The following CPO variants were observed in gnomAD, a reference collection of about 807,000 sequenced individuals.
The protein encoded by CPO is metallocarboxypeptidase C.
CPO carries 43 observed loss-of-function variants against 41.2 expected under a neutral mutation model. The observed-to-expected ratio is 1.04, with a 90% confidence interval of 0.82 to 1.35. CPO has a LOEUF of 1.35. CPO is among the 40% of genes most tolerant of loss of function. The pLI is 0.00. For synonymous variants in CPO, 178 were observed against 162.7 expected (o/e 1.09, Z -0.72); for missense variants, 408 against 451.7 (o/e 0.90, Z 0.88).
chr2:206,950,198 A>G (rs1693225516), intron 2 of CPO, among the ~76,000 whole-genome samples: 1 of 152,240 alleles, frequency 6.6e-6, no homozygotes, highest in East Asian at 1.9e-4. Context: ...TCCATCTGAC[A>G]AAGGACTAAT....
Position 206,955,516 on chromosome 2 carries a change from G to A in CPO, c.219G>A (p.Gln73=), listed in dbSNP as rs1205041521. The A allele has an allele frequency of 1.9e-6, 3 of 1,611,366 alleles. No homozygotes were observed. The highest frequency in any genetic ancestry group is 1.3e-5 in the African/African-American group (1 of 74,862). The change falls in exon 3 of 9, where the codon CAG becomes CAA. Residue 73 remains glutamine, a synonymous_variant. Transcript: ENST00000272852. ...AGAAGTACAAGGAAGTGGTGACACA[G>A]CATTTCCTAGGAGTGACCTATGAGA... ...ISEKYKEVVT[Q]HFLGVTYETH... is the part of the protein sequence containing the mutation.
intron 1 of CPO, among the ~76,000 whole-genome samples, chr2:206,949,075 A>C (rs114635431): frequency 0.34 from 33,970 of 101,174 alleles, 4,310 homozygotes; most frequent in Non-Finnish European, 0.42. Flanking sequence ...AACCATTGCA[A>C]AAAAAAAAAA....
intron 5 of CPO, 28 bp from the exon 6 acceptor site, chr2:206,960,824 G>C: frequency 6.7e-7 from 1 of 1,482,954 alleles, no homozygotes; most frequent in Non-Finnish European, 9.4e-7. Flanking sequence ...CCTTAGAACA[G>C]CAACATCCGT....
At chr2:206,949,794 TC>T (rs1693216875) in intron 2 of CPO, 81 bp downstream of exon 2, 1 of 861,952 alleles carries the variant, frequency 1.2e-6, no homozygotes, top group Admixed American at 1.8e-5. Context: ...ACTAGTAATA[TC>T]CATGCATTAG....
At chr2:206,968,106 C>T (rs1693619112) in intron 7 of CPO, among the ~76,000 whole-genome samples, 157 bp from the exon 8 acceptor site, 1 of 152,172 alleles carries the variant, frequency 6.6e-6, no homozygotes, top group African/African-American at 2.4e-5. Flanking sequence ...TGTGCTGAAT[C>T]TGAGTTACCA....
intron 1 of CPO, among the ~76,000 whole-genome samples, chr2:206,949,293 T>C (rs1693206623): frequency 6.6e-6 from 1 of 152,196 alleles, no homozygotes; most frequent in African/African-American, 2.4e-5. Context: ...TCTCGTAAGT[T>C]TCACTTCAAT....
intron 7 of CPO, among the ~76,000 whole-genome samples, chr2:206,964,155 A>T (rs1385545845): frequency 6.6e-6 from 1 of 152,178 alleles, no homozygotes; most frequent in Non-Finnish European, 1.5e-5. Flanking sequence ...CCGGAGCACG[A>T]CCCAGAAGAC....
At chr2:206,953,647 GTCTGGAGAATGGTGACCC>G (rs1693307386) in intron 2 of CPO, among the ~76,000 whole-genome samples, 1 of 152,230 alleles carries the variant, frequency 6.6e-6, no homozygotes, top group East Asian at 1.9e-4. Flanking sequence ...CCATTCTGGG[GTCTGGAGAATGGTGACCC>G]TCTTCTCACA....
chr2:206,961,030 A>G, intron 6 of CPO, 88 bp downstream of exon 6: 2 of 905,540 alleles, frequency 2.2e-6, no homozygotes, highest in South Asian at 2.8e-5. Context: ...AATTTTTGAA[A>G]ATAACATCTA....
chr2:206,957,760 G>A (rs1211461794), intron 3 of CPO, among the ~76,000 whole-genome samples: 1 of 152,184 alleles, frequency 6.6e-6, no homozygotes, highest in Admixed American at 6.5e-5. Flanking sequence ...AGCAAATGGG[G>A]AGAAGGAAAG....
At chr2:206,964,495 C>T (rs1693536780) in intron 7 of CPO, among the ~76,000 whole-genome samples, 1 of 152,110 alleles carries the variant, frequency 6.6e-6, no homozygotes, top group Non-Finnish European at 1.5e-5. Context: ...AGTGGTGGGG[C>T]CCAGGCTAGA....
chr2:206,960,913 T>C lies in CPO; in HGVS notation c.545T>C (p.Leu182Pro). ...HNNGTCFGTD[L>P]NRNFNASWCS... ...AATGGCACATGTTTTGGGACGGATCTCAATCGAAATTTCAATGCATCTTGG... is the reference window on the plus strand; with the variant it reads ...AATGGCACATGTTTTGGGACGGATCCCAATCGAAATTTCAATGCATCTTGG... Residue 182 changes from leucine to proline, a missense_variant, in exon 6 of 9, where the codon CTC becomes CCC. Leu to Pro is a moderately conservative substitution (Grantham distance 98). Coordinates refer to ENST00000272852, the MANE Select transcript of CPO (RefSeq NM_173077.3). The C allele has an allele frequency of 6.2e-7, 1 of 1,613,328 alleles. No homozygotes were observed. The highest frequency in any genetic ancestry group is 8.5e-7 in the Non-Finnish European group (1 of 1,179,252).
At chr2:206,963,511 C>A (rs1158486976) in intron 7 of CPO, among the ~76,000 whole-genome samples, 1 of 152,186 alleles carries the variant, frequency 6.6e-6, no homozygotes, top group African/African-American at 2.4e-5. Context: ...TTTCTTCCTA[C>A]ACGAGTCCCT....
At chr2:206,940,553 T>G (rs1371834941) in intron 1 of CPO, among the ~76,000 whole-genome samples, 2 of 152,082 alleles carry the variant, frequency 1.3e-5, no homozygotes, top group African/African-American at 2.4e-5. Context: ...TTAATGTCAT[T>G]TGCCCATTTT....
chr2:206,950,536 T>TAGAACTAGA (rs995546267), intron 2 of CPO, among the ~76,000 whole-genome samples: 1 of 152,210 alleles, frequency 6.6e-6, no homozygotes, highest in African/African-American at 2.4e-5. Flanking sequence ...CTCAAGGATC[T>TAGAACTAGA]AGAACTAGAA....
intron 3 of CPO, 49 bp downstream of exon 3, chr2:206,955,613 G>T (rs778405549): frequency 2.0e-6 from 2 of 1,017,310 alleles, no homozygotes; most frequent in South Asian, 2.5e-5. Context: ...TATCCAGGAG[G>T]ATATGTGTTT....
rs112181625 is a variant in CPO, at chr2:206,939,645, C to T, written c.46C>T (p.Pro16Ser). 7 of 1,611,028 alleles carry T rather than the reference C, an allele frequency of 4.3e-6. No homozygotes were observed. In the African/African-American group the frequency reaches 8.0e-5, roughly 18 times the overall value. Residue 16 changes from proline to serine, a missense_variant, in exon 1 of 9, where the codon CCT becomes TCT. Transcript: ENST00000272852. ...ETLYLLGMLVPGGLGYDRSLA... is the reference protein window; with the variant it reads ...ETLYLLGMLVSGGLGYDRSLA... ...CCTTTATCTTTTGGGGATGCTGGTTCCTGGAGGGCTGGGATATGATAGGTG... is the reference window on the plus strand; with the variant it reads ...CCTTTATCTTTTGGGGATGCTGGTTTCTGGAGGGCTGGGATATGATAGGTG...
intron 7 of CPO, 48 bp downstream of exon 7, chr2:206,962,662 T>G (rs1693503750): frequency 2.8e-6 from 4 of 1,453,600 alleles, no homozygotes; most frequent in East Asian, 2.3e-5. Flanking sequence ...GCAAGACCTC[T>G]GCCTTCCTTT....
At chr2:206,956,901 AC>A (rs1421216937) in intron 3 of CPO, among the ~76,000 whole-genome samples, 3 of 152,200 alleles carry the variant, frequency 2.0e-5, no homozygotes, top group African/African-American at 7.2e-5. Context: ...AGCATGGGCC[AC>A]CTGCCTACCT....
Sources: gnomAD v4.1 joint callset for allele counts (sites outside exome capture counted in the v4.1 genomes callset) on GRCh38, gnomAD v4.1.1 for gene constraint, MANE v1.5 for transcripts, NCBI Gene and HGNC (gene_info 2026-07-23, HGNC 2026-07-21) for gene names.